SI: variants seen among roughly 807,000 people sequenced by gnomAD.
SI encodes sucrase-isomaltase.
A neutral mutation model predicts 253.3 loss-of-function variants in SI; 235 were observed. The observed-to-expected ratio is 0.93, with a 90% confidence interval of 0.83 to 1.03. SI has a LOEUF of 1.03. SI is among the 50% of genes least tolerant of loss of function. The pLI is 0.00. For missense variants in SI, 2,442 were observed against 2,211.1 expected, an observed-to-expected ratio of 1.10 and a Z score of -2.09; for synonymous variants, 819 against 712.0, an observed-to-expected ratio of 1.15 and a Z score of -2.39.
Position 164,998,614 on chromosome 3 carries a change from G to C in SI, c.4466C>G (p.Thr1489Ser), listed in dbSNP as rs1718125938. 1 of 1,610,190 alleles carries C rather than the reference G, an allele frequency of 6.2e-7. No individual in the cohort carries two copies. Among genetic ancestry groups the C allele is most frequent in the Non-Finnish European group, 8.5e-7 (1 of 1,176,894 alleles). The change falls in exon 38 of 48, where the codon ACT (threonine) becomes AGT (serine). Residue 1489 changes from threonine to serine, a missense_variant. Coordinates refer to ENST00000264382, the MANE Select transcript of SI (RefSeq NM_001041.4). ...CCAGTGTCCTCCCCATCGTCCACTAGTAGGATACGTGGAACGAGAAATTAC... is the reference window on the plus strand; with the variant it reads ...CCAGTGTCCTCCCCATCGTCCACTACTAGGATACGTGGAACGAGAAATTAC... Reference protein sequence around the residue: ...GIVISRSTYPTSGRWGGHWLG... With the variant: ...GIVISRSTYPSSGRWGGHWLG...
chr3:164,982,432 T>C (rs775689747), intron 46 of SI, 22 bp from the exon 47 acceptor site: 2 of 1,557,240 alleles, frequency 1.3e-6, no homozygotes, highest in Non-Finnish European at 1.8e-6. Flanking sequence ...GAAAAAGGAA[T>C]AACATAAACA....
intron 37 of SI, among the ~76,000 whole-genome samples, chr3:164,999,808 T>G (rs1718179236): frequency 6.6e-6 from 1 of 151,692 alleles, no homozygotes; most frequent in African/African-American, 2.4e-5. Context: ...ACTAAAAATG[T>G]GTTAAACAGA....
intron 16 of SI, among the ~76,000 whole-genome samples, chr3:165,044,260 T>C (rs139796157): frequency 6.6e-6 from 1 of 152,032 alleles, no homozygotes; most frequent in Non-Finnish European, 1.5e-5. Flanking sequence ...CCTGTATAGA[T>C]ATCCTTGTGA....
chr3:165,040,238 G>A (rs552664303), intron 18 of SI, among the ~76,000 whole-genome samples: 1 of 150,938 alleles, frequency 6.6e-6, no homozygotes, highest in East Asian at 2.0e-4. Context: ...AAGGAGGGGA[G>A]GGAGGATAGG....
At chr3:165,010,122 G>T (rs968276317) in intron 34 of SI, among the ~76,000 whole-genome samples, 2 of 152,102 alleles carry the variant, frequency 1.3e-5, no homozygotes, top group Non-Finnish European at 2.9e-5. Flanking sequence ...AAAATGCAGA[G>T]AGTAGGAAAT....
chr3:165,021,531 C>T (rs1711620120), intron 26 of SI, 148 bp from the exon 27 acceptor site: 1 of 681,036 alleles, frequency 1.5e-6, no homozygotes, highest in South Asian at 1.8e-5. Flanking sequence ...TCCATATAAC[C>T]ATATCAATAT....
intron 3 of SI, among the ~76,000 whole-genome samples, chr3:165,069,892 A>G (rs1250771384): frequency 2.0e-5 from 3 of 151,508 alleles, no homozygotes; most frequent in Non-Finnish European, 4.4e-5. Context: ...TAAATTTAAT[A>G]GTGTGACACA....
intron 40 of SI, among the ~76,000 whole-genome samples, chr3:164,995,775 A>G (rs1223929950): frequency 6.6e-6 from 1 of 151,724 alleles, no homozygotes; most frequent in Non-Finnish European, 1.5e-5. Context: ...AGTTTAATCT[A>G]TTTTCCCTTA....
Position 165,059,057 on chromosome 3 carries a change from C to T in SI, c.1304G>A (p.Arg435His), listed in dbSNP as rs536628141. 1.1e-5 allele frequency: 17 copies of T among 1,612,358 alleles called. No homozygotes were observed. In the Admixed American group the frequency reaches 1.5e-4, roughly 14 times the overall value. ...GGTTGCATATGTTGTTCCATTGGCA[C>T]GTCGACCTATGGAAATTGCAGGGTC... Reference protein sequence around the residue: ...ILDPAISIGRRANGTTYATYE... With the variant: ...ILDPAISIGRHANGTTYATYE... The change falls in exon 12 of 48, where the codon CGT (arginine) becomes CAT (histidine). Residue 435 changes from arginine (R) to histidine (H), a missense_variant. By Grantham distance (29) the Arg-to-His change is conservative. Transcript: ENST00000264382.
chr3:165,075,707 A>G (rs777370864), intron 2 of SI, among the ~76,000 whole-genome samples, 188 bp downstream of exon 2: 1 of 151,992 alleles, frequency 6.6e-6, no homozygotes, highest in Non-Finnish European at 1.5e-5. Context: ...TTCCTTACTT[A>G]CAATAGCTCA....
chr3:165,067,990 G>T (rs1714336014), intron 5 of SI, among the ~76,000 whole-genome samples: 1 of 151,760 alleles, frequency 6.6e-6, no homozygotes, highest in Admixed American at 6.6e-5. Context: ...TTGCTAAAAA[G>T]GTGATATACA....
intron 6 of SI, among the ~76,000 whole-genome samples, chr3:165,065,747 T>A (rs369503535): frequency 4.6e-5 from 7 of 151,504 alleles, no homozygotes; most frequent in Non-Finnish European, 1.0e-4. Context: ...TTAATTGATG[T>A]TTTTAGGGAT....
the SI span, among the ~76,000 whole-genome samples, chr3:165,087,617 G>A: frequency 2.0e-5 from 3 of 152,148 alleles, no homozygotes; most frequent in East Asian, 3.9e-4. Flanking sequence ...AGAGTGACAC[G>A]ACATTCCACA....
intron 13 of SI, among the ~76,000 whole-genome samples, chr3:165,050,763 T>A (rs1452480677): frequency 1.3e-5 from 2 of 152,012 alleles, no homozygotes; most frequent in Admixed American, 1.3e-4. Context: ...TACTTTTATT[T>A]CTCTCAGAAA....
chr3:165,038,951 A>G, intron 20 of SI, 127 bp downstream of exon 20: 1 of 606,984 alleles, frequency 1.6e-6, no homozygotes, highest in Non-Finnish European at 2.9e-6. Context: ...ATTATTTTTT[A>G]TAGTAATGAC....
At chr3:165,067,896 T>TA (rs1054434530) in intron 5 of SI, among the ~76,000 whole-genome samples, 1 of 151,666 alleles carries the variant, frequency 6.6e-6, no homozygotes, top group Non-Finnish European at 1.5e-5. Flanking sequence ...AAATTTTGTT[T>TA]AAAAAAATTA....
At chr3:165,065,470 T>TAG (rs201073764) in intron 6 of SI, 38 bp from the exon 7 acceptor site, 23,002 of 214,680 alleles carry the variant, frequency 0.11, 2,232 homozygotes, top group South Asian at 0.21. Context: ...ATCTAATATA[T>TAG]ATATATATAT....
chr3:165,062,554 T>C (rs375055662), intron 8 of SI, 71 bp from the exon 9 acceptor site: 4 of 765,502 alleles, frequency 5.2e-6, no homozygotes, highest in East Asian at 5.3e-5. Context: ...GCAAAGTCCA[T>C]TTAAATTAAT....
chr3:165,034,436 G>T (rs999338311), intron 22 of SI, among the ~76,000 whole-genome samples: 19 of 151,978 alleles, frequency 1.3e-4, no homozygotes, highest in Non-Finnish European at 2.6e-4. Context: ...ATCAATGGAG[G>T]TATTATCTCA....
Sources: gnomAD v4.1 joint callset for allele counts (sites outside exome capture counted in the v4.1 genomes callset) on GRCh38, gnomAD v4.1.1 for gene constraint, MANE v1.5 for transcripts, NCBI Gene and HGNC (gene_info 2026-07-23, HGNC 2026-07-21) for gene names.